Variants in ELMO1 observed in about 807,000 individuals in gnomAD.
ELMO1 encodes the protein engulfment and cell motility 1.
A neutral mutation model predicts 98.9 loss-of-function variants in ELMO1; 26 were observed. The observed-to-expected ratio is 0.26, with a 90% CI of 0.19 to 0.36. The LOEUF (loss-of-function observed/expected upper bound fraction) is 0.36, where lower values mean the gene tolerates loss of function less well. ELMO1 is among the 10% of genes least tolerant of loss of function. The pLI is 1.00. For synonymous variants in ELMO1, 346 were observed against 346.0 expected, an observed-to-expected ratio of 1.00 and a Z score of 0.00; for missense variants, 627 against 935.2, an observed-to-expected ratio of 0.67 and a Z score of 4.30.
At chr7:37,375,672 G>C (rs1343760116) in intron 1 of ELMO1, 1 of 1,254,234 alleles carries the variant, frequency 8.0e-7, no homozygotes, top group African/African-American at 1.5e-5. Context: ...AGGCCATGCA[G>C]TCTCTCAAGT....
At chr7:36,973,605 G>A (rs1011862433) in intron 16 of ELMO1, among the ~76,000 whole-genome samples, 3 of 152,146 alleles carry the variant, frequency 2.0e-5, no homozygotes, top group Non-Finnish European at 4.4e-5. Context: ...GCCCTCGCTC[G>A]CTCTCGGTGA....
At chr7:36,944,174 T>C (rs1787284586) in intron 16 of ELMO1, among the ~76,000 whole-genome samples, 1 of 152,118 alleles carries the variant, frequency 6.6e-6, no homozygotes, top group African/African-American at 2.4e-5. Flanking sequence ...CATAAGGACA[T>C]GAACATAGAA....
intron 16 of ELMO1, among the ~76,000 whole-genome samples, chr7:37,000,536 TCCC>T (rs1304962916): frequency 6.6e-6 from 1 of 152,054 alleles, no homozygotes; most frequent in African/African-American, 2.4e-5. Flanking sequence ...ATGCATTTTT[TCCC>T]CCCAATTTAA....
chr7:36,877,098 T>C lies in ELMO1; in HGVS notation c.1822+912A>G, dbSNP rs185164249. On this transcript the variant is annotated intron_variant, in intron 19 of 21. Coordinates refer to ENST00000310758, the MANE Select transcript of ELMO1 (RefSeq NM_014800.11). The stretch of plus-strand genomic sequence containing the variant: ...TGAGCTGTGAGGAAGGTAATCCAGA[T>C]TTGACTTCCATGGGCCCCAGGGTAA... Among the ~76,000 whole-genome samples the C allele has an allele frequency of 1.4e-3, 206 of 152,264 alleles. 1 individual carries two copies. Among genetic ancestry groups the C allele is most frequent in the African/African-American group, 4.9e-3 (202 of 41,560 alleles).
chr7:37,314,704 C>A (rs1337702959), intron 4 of ELMO1, 146 bp downstream of exon 4: 2 of 615,024 alleles, frequency 3.3e-6, no homozygotes, highest in Non-Finnish European at 5.5e-6. Flanking sequence ...TCTAAAGTAG[C>A]AGTTGTTTGC....
intron 1 of ELMO1, among the ~76,000 whole-genome samples, chr7:37,372,817 A>T (rs923934028): frequency 2.0e-5 from 3 of 152,208 alleles, no homozygotes; most frequent in Non-Finnish European, 2.9e-5. Flanking sequence ...GGATCTGGCA[A>T]TTGGTGCTTC....
chr7:37,076,807 C>A (rs1797605688), intron 15 of ELMO1, among the ~76,000 whole-genome samples: 1 of 152,208 alleles, frequency 6.6e-6, no homozygotes, highest in Non-Finnish European at 1.5e-5. Context: ...CAGACAGCCC[C>A]CACTTCTGGC....
chr7:37,155,722 A>T (rs1315309268), intron 13 of ELMO1, among the ~76,000 whole-genome samples: 1 of 152,068 alleles, frequency 6.6e-6, no homozygotes, highest in African/African-American at 2.4e-5. Context: ...CTAAATAATA[A>T]TGGGAGACTT....
intron 13 of ELMO1, among the ~76,000 whole-genome samples, chr7:37,203,604 C>T (rs1236781226): frequency 6.6e-6 from 1 of 152,140 alleles, no homozygotes; most frequent in Non-Finnish European, 1.5e-5. Flanking sequence ...GGAGTTTATA[C>T]TAGAAATAAT....
intron 1 of ELMO1, among the ~76,000 whole-genome samples, chr7:37,423,723 T>C (rs1445288068): frequency 1.3e-5 from 2 of 152,250 alleles, no homozygotes; most frequent in East Asian, 1.9e-4. Flanking sequence ...CAAGGCTTTA[T>C]GGATCATACC....
intron 13 of ELMO1, among the ~76,000 whole-genome samples, chr7:37,207,227 T>C (rs1192912424): frequency 6.6e-6 from 1 of 152,222 alleles, no homozygotes; most frequent in Non-Finnish European, 1.5e-5. Flanking sequence ...CAGGAATCCA[T>C]ATGCCCTTCC....
chr7:37,091,753 C>T (rs1411287106), intron 15 of ELMO1, among the ~76,000 whole-genome samples: 2 of 152,192 alleles, frequency 1.3e-5, no homozygotes, highest in African/African-American at 4.8e-5. Context: ...GGACTCACAG[C>T]ACCACGTGGC....
intron 13 of ELMO1, among the ~76,000 whole-genome samples, chr7:37,209,521 T>A (rs1156418229): frequency 6.6e-6 from 1 of 152,192 alleles, no homozygotes; most frequent in African/African-American, 2.4e-5. Context: ...AACCAGGCTC[T>A]CCCTCAGAAG....
intron 15 of ELMO1, among the ~76,000 whole-genome samples, chr7:37,095,807 T>C (rs1052688057): frequency 4.6e-5 from 7 of 152,102 alleles, no homozygotes; most frequent in African/African-American, 1.4e-4. Flanking sequence ...TTCACAGTAA[T>C]ACCAAACACC....
At chr7:37,331,917 C>CA (rs1278527175) in intron 2 of ELMO1, among the ~76,000 whole-genome samples, 12 of 778 alleles carry the variant, frequency 0.015, no homozygotes, top group Admixed American at 0.026. Context: ...CAACAAGGAC[C>CA]GTTTGAATAT....
At chr7:36,887,915 G>A (rs1805177733) in intron 17 of ELMO1, among the ~76,000 whole-genome samples, 2 of 152,152 alleles carry the variant, frequency 1.3e-5, no homozygotes, top group Non-Finnish European at 2.9e-5. Flanking sequence ...CTTCAGTGAT[G>A]TTTTTCCAGA....
chr7:37,119,020 C>A (rs1264550188), intron 14 of ELMO1, among the ~76,000 whole-genome samples: 1 of 152,188 alleles, frequency 6.6e-6, no homozygotes, highest in Non-Finnish European at 1.5e-5. Context: ...TGACTTTGGA[C>A]AAACCACTTA....
chr7:36,905,190 C>T (rs1219544380), intron 16 of ELMO1, among the ~76,000 whole-genome samples: 1 of 152,236 alleles, frequency 6.6e-6, no homozygotes, highest in African/African-American at 2.4e-5. Flanking sequence ...TTTTAATAAT[C>T]ATGCTACTGT....
chr7:37,132,493 G>C (rs376795853), intron 14 of ELMO1, among the ~76,000 whole-genome samples: 2 of 152,176 alleles, frequency 1.3e-5, no homozygotes, highest in Admixed American at 6.5e-5. Flanking sequence ...GAGCAGCCCT[G>C]ATAGATGAGA....
Sources: gnomAD v4.1 joint callset for allele counts (sites outside exome capture counted in the v4.1 genomes callset) on GRCh38, gnomAD v4.1.1 for gene constraint, MANE v1.5 for transcripts, NCBI Gene and HGNC (gene_info 2026-07-23, HGNC 2026-07-21) for gene names.